ALDH5A1: variants seen among roughly 807,000 people sequenced by gnomAD.
ALDH5A1 encodes aldehyde dehydrogenase 5 family member A1, also known as succinate-semialdehyde dehydrogenase, mitochondrial.
Under a neutral mutation model 54.7 loss-of-function variants are expected in ALDH5A1, and 33 were observed. The ratio of observed to expected loss-of-function variants is 0.60; its 90% CI spans 0.46 to 0.81. ALDH5A1 has a LOEUF of 0.81. ALDH5A1 is among the 30% of genes least tolerant of loss of function. The pLI is 0.00. For synonymous variants in ALDH5A1, 294 were observed against 292.7 expected (o/e 1.00, Z -0.05); for missense variants, 657 against 711.0 (o/e 0.92, Z 0.86).
chr6:24,507,942 C>T (rs976892717), intron 4 of ALDH5A1, among the ~76,000 whole-genome samples: 2 of 152,040 alleles, frequency 1.3e-5, no homozygotes, highest in African/African-American at 4.8e-5. Flanking sequence ...CCCTTCCTAC[C>T]CTTTCTCCCT....
At position 24,503,379 on chromosome 6, in the gene ALDH5A1, C is replaced by G; in HGVS notation, c.555C>G (p.Asp185Glu). The change falls in exon 3 of 10, where the codon GAC becomes GAG. Residue 185 changes from aspartate (D) to glutamate (E), a missense_variant. Physicochemically the swap from Asp to Glu is conservative, Grantham distance 45 (BLOSUM62 2). This residue lies in a region of ALDH5A1 where 425 missense variants were observed against 516.4 expected (regional missense o/e 0.82). Coordinates refer to ENST00000357578, the MANE Select transcript of ALDH5A1 (RefSeq NM_001080.3). The stretch of plus-strand genomic sequence containing the variant: ...ACATTATCCACACCCCGGCAAAGGA[C>G]AGGCGGGCCCTGGTCCTCAAGCAGC... ...YGDIIHTPAKDRRALVLKQPI... is the reference protein window; with the variant it reads ...YGDIIHTPAKERRALVLKQPI... 3 of 1,613,992 alleles carry G rather than the reference C, an allele frequency of 1.9e-6. No homozygotes were observed. The highest frequency in any genetic ancestry group is 2.5e-6 in the Non-Finnish European group (3 of 1,180,020).
intron 6 of ALDH5A1, chr6:24,522,548 GTA>G: frequency 4.4e-6 from 2 of 458,338 alleles, no homozygotes; most frequent in Non-Finnish European, 8.2e-6. Context: ...TAGCAGCTGT[GTA>G]GCATAGCAGC....
Position 24,528,112 on chromosome 6 carries a change from A to G in ALDH5A1, c.1289A>G (p.Gln430Arg), listed in dbSNP as rs374262919. 1 of 1,614,132 alleles carries G rather than the reference A, an allele frequency of 6.2e-7. No homozygotes were observed. ...CCTACCCTGCTGTGCAATGTCACCC[A>G]GGACATGCTGTGCACTCATGAAGAG... is the stretch of plus-strand genomic sequence containing the variant. ...FEPTLLCNVT[Q>R]DMLCTHEETF... The change falls in exon 8 of 10, where the codon CAG (glutamine) becomes CGG (arginine). Residue 430 changes from glutamine to arginine, a missense_variant. By Grantham distance (43) the Gln-to-Arg change is conservative. Coordinates refer to ENST00000357578, the MANE Select transcript of ALDH5A1 (RefSeq NM_001080.3).
At chr6:24,511,771 G>C in intron 4 of ALDH5A1, 1 of 396,574 alleles carries the variant, frequency 2.5e-6, no homozygotes, top group Non-Finnish European at 4.4e-6. Context: ...ATTGGGCTTC[G>C]CCTTTCTTTG....
chr6:24,503,402 A>G lies in ALDH5A1; in HGVS notation c.578A>G (p.Gln193Arg), dbSNP rs772534228. The change falls in exon 3 of 10, where the codon CAG becomes CGG. Residue 193 changes from glutamine to arginine, a missense_variant. By Grantham distance (43) the Gln-to-Arg change is conservative. Coordinates refer to ENST00000357578, the MANE Select transcript of ALDH5A1 (RefSeq NM_001080.3). ...GACAGGCGGGCCCTGGTCCTCAAGC[A>G]GCCCATAGGCGTGGCTGCAGTCATC... ...AKDRRALVLK[Q>R]PIGVAAVITP... 4 of 1,613,610 alleles carry G rather than the reference A, an allele frequency of 2.5e-6. No homozygotes were observed. The highest frequency in any genetic ancestry group is 2.2e-5 in the East Asian group (1 of 44,896).
At chr6:24,516,057 GT>G (rs993552726) in intron 5 of ALDH5A1, among the ~76,000 whole-genome samples, 2 of 151,854 alleles carry the variant, frequency 1.3e-5, no homozygotes, top group African/African-American at 2.4e-5. Context: ...TTTTCTTTGA[GT>G]TTTTTTTCCC....
In ALDH5A1 at chr6:24,527,845, G is replaced by T. The variant is rs372040923; in HGVS notation, c.1174-152G>T. 8 of 778,686 alleles carry T rather than the reference G, an allele frequency of 1.0e-5. No individual in the cohort carries two copies. In the East Asian group the frequency reaches 2.4e-4, roughly 23 times the overall value. The allele number at this position is 778,686 out of a possible 1,614,324, so 48.2% of individuals were successfully genotyped here. A position where few individuals can be genotyped will look rare whatever the true frequency, so the allele number is the denominator to read the frequency against. Reference sequence around the variant, plus strand: ...TTGCTTCTGAATCTCTGCAAATGTGGTTCCTTCTACAAAAGGAAACCAGCA... The same window carrying T: ...TTGCTTCTGAATCTCTGCAAATGTGTTTCCTTCTACAAAAGGAAACCAGCA... On this transcript the variant is annotated intron_variant, in intron 7 of 9. Transcript: ENST00000357578.
rs780192874 is a variant in ALDH5A1 at position 24,515,196 on chromosome 6, T to G, written c.756T>G (p.Gly252=). 1.2e-6 allele frequency: 2 copies of G among 1,612,090 alleles called. No individual in the cohort carries two copies. Among genetic ancestry groups the G allele is most frequent in the African/African-American group, 1.3e-5 (1 of 74,262 alleles). Residue 252 remains glycine (G), a synonymous_variant, in exon 5 of 10, where the codon GGT becomes GGG. Coordinates refer to ENST00000357578, the MANE Select transcript of ALDH5A1 (RefSeq NM_001080.3). ...ELASQAGIPS[G]VYNVIPCSRK... is the part of the protein sequence containing the mutation. ...CAAGCCAGGCTGGGATTCCTTCAGG[T>G]GTATACAATGTTATTCCCTGTTCTC...
intron 4 of ALDH5A1, among the ~76,000 whole-genome samples, chr6:24,514,303 T>C (rs550254387): frequency 6.6e-6 from 1 of 152,336 alleles, no homozygotes; most frequent in East Asian, 1.9e-4. Context: ...GCTCATTAAA[T>C]GCCCCTTTTC....
intron 6 of ALDH5A1, among the ~76,000 whole-genome samples, chr6:24,520,818 C>G (rs1269011972): frequency 6.6e-6 from 1 of 152,112 alleles, no homozygotes; most frequent in Non-Finnish European, 1.5e-5. Context: ...AGGGGCCCCC[C>G]CAAAATAAGG....
intron 4 of ALDH5A1, among the ~76,000 whole-genome samples, chr6:24,505,421 T>TATGAG (rs1554136578): frequency 6.6e-6 from 1 of 151,518 alleles, no homozygotes; most frequent in Non-Finnish European, 1.5e-5. Context: ...TTCAAGGTCC[T>TATGAG]ATGTCACTTC....
chr6:24,529,928 T>C (rs895644122), intron 8 of ALDH5A1, among the ~76,000 whole-genome samples: 1 of 152,198 alleles, frequency 6.6e-6, no homozygotes, highest in Non-Finnish European at 1.5e-5. Flanking sequence ...CGCCTCAGCA[T>C]CCCAAAGGGC....
In ALDH5A1 at chr6:24,515,241, A is replaced by T; in HGVS notation, c.801A>T (p.Val267=). Residue 267 remains valine (V), a synonymous_variant, in exon 5 of 10, where the codon GTA becomes GTT. Transcript: ENST00000357578. The part of the protein sequence containing the change: ...IPCSRKNAKE[V]GEAICTDPLV... The stretch of plus-strand genomic sequence containing the variant: ...GTTCTCGAAAGAATGCCAAGGAAGT[A>T]GGGGAGGCAATTTGTACTGATCCTC... The T allele has an allele frequency of 1.2e-6, 2 of 1,613,728 alleles. No individual in the cohort carries two copies. The highest frequency in any genetic ancestry group is 1.7e-6 in the Non-Finnish European group (2 of 1,179,972).
chr6:24,519,487 C>G (rs1759633761), intron 5 of ALDH5A1, among the ~76,000 whole-genome samples: 1 of 151,988 alleles, frequency 6.6e-6, no homozygotes, highest in Admixed American at 6.6e-5. Flanking sequence ...ATTGCTTGAA[C>G]CCAGAAGGTG....
rs374908367 is a variant in ALDH5A1 at position 24,495,184 on chromosome 6, G to T, written c.188G>T (p.Ser63Ile). 27 of 1,502,398 alleles carry T rather than the reference G, an allele frequency of 1.8e-5. No homozygotes were observed. In the East Asian group the frequency reaches 6.2e-4, roughly 34 times the overall value. The allele number at this position is 1,502,398 out of a possible 1,614,324, so 93.1% of individuals were successfully genotyped here. The change falls in exon 1 of 10, where the codon AGC (serine) becomes ATC (isoleucine). Residue 63 changes from serine (S) to isoleucine (I), a missense_variant. Transcript: ENST00000357578. ...TCTGCGGCGCTGCTGCGCACCGACA[G>T]CTTCGTGGGCGGCCGCTGGCTCCCG... ...GLSAALLRTD[S>I]FVGGRWLPAA...
chr6:24,506,777 A>G (rs540186515), intron 4 of ALDH5A1, among the ~76,000 whole-genome samples: 1 of 152,312 alleles, frequency 6.6e-6, no homozygotes, highest in South Asian at 2.1e-4. Context: ...TTACAGAAAA[A>G]TTGCATAGAT....
intron 4 of ALDH5A1, 115 bp downstream of exon 4, chr6:24,505,100 A>G: frequency 2.8e-6 from 3 of 1,066,498 alleles, no homozygotes; most frequent in Non-Finnish European, 4.3e-6. Context: ...CTCCTGATGC[A>G]TGGTGTTGTG....
chr6:24,496,479 C>G (rs1012638400), intron 1 of ALDH5A1, among the ~76,000 whole-genome samples: 2 of 152,204 alleles, frequency 1.3e-5, no homozygotes, highest in African/African-American at 2.4e-5. Context: ...GTACCACAGA[C>G]TGGGTGGCCT....
At chr6:24,515,797 C>T (rs1043122972) in intron 5 of ALDH5A1, among the ~76,000 whole-genome samples, 17 of 152,152 alleles carry the variant, frequency 1.1e-4, no homozygotes, top group African/African-American at 3.9e-4. Flanking sequence ...CTTTGTGGCA[C>T]GACATAGGTT....
Sources: gnomAD v4.1 joint callset for allele counts (sites outside exome capture counted in the v4.1 genomes callset) on GRCh38, gnomAD v4.1.1 for gene constraint, gnomAD v4.1.1 regional missense constraint, MANE v1.5 for transcripts, NCBI Gene and HGNC (gene_info 2026-07-23, HGNC 2026-07-21) for gene names.